The following RAB27A variants were observed in gnomAD, a reference collection of about 807,000 sequenced individuals.
RAB27A encodes ras-related protein Rab-27A.
In RAB27A, 17 loss-of-function variants were observed where a neutral mutation model predicts 20.8. The ratio of observed to expected loss-of-function variants is 0.82; its 90% CI spans 0.56 to 1.23. The LOEUF is 1.23. Among genes scored for constraint, RAB27A ranks in the 50% most tolerant of loss-of-function variants. The pLI is 0.00. For synonymous variants in RAB27A, 85 were observed against 92.8 expected, an observed-to-expected ratio of 0.92 and a Z score of 0.48; for missense variants, 277 against 266.7, an observed-to-expected ratio of 1.04 and a Z score of -0.27.
chr15:55,282,091 C>A (rs1303604032), intron 1 of RAB27A, among the ~76,000 whole-genome samples: 1 of 152,130 alleles, frequency 6.6e-6, no homozygotes, highest in Non-Finnish European at 1.5e-5. Flanking sequence ...ATAGGGAAAT[C>A]ATAATATACT....
At position 55,204,575 on chromosome 15, in the gene RAB27A, T is replaced by C. The variant is rs1340594807; in HGVS notation, c.*932A>G. ...GGTAAAGATAGAGATGAGTAAGTTA[T>C]AAGCTAATAAAGCTGCAGCCTGAGG... On this transcript the variant is annotated 3_prime_UTR_variant, in exon 7 of 7. Transcript: ENST00000336787. 6.6e-6 allele frequency: 1 copy of C among 152,206 alleles called. No individual in the cohort carries two copies. Among genetic ancestry groups the C allele is most frequent in the Non-Finnish European group, 1.5e-5 (1 of 68,040 alleles). The allele number at this position is 152,206 out of a possible 1,614,324, so 9.4% of individuals were successfully genotyped here. A position where few individuals can be genotyped will look rare whatever the true frequency, so the allele number is the denominator to read the frequency against.
chr15:55,277,938 A>T (rs985233067), intron 1 of RAB27A, among the ~76,000 whole-genome samples: 3 of 152,228 alleles, frequency 2.0e-5, no homozygotes, highest in Non-Finnish European at 4.4e-5. Context: ...CTGTTTCATC[A>T]TCTGTAAAAT....
intron 2 of RAB27A, among the ~76,000 whole-genome samples, chr15:55,297,259 T>C (rs185749850): frequency 2.2e-4 from 33 of 152,316 alleles, no homozygotes; most frequent in African/African-American, 7.7e-4. Context: ...TAGTAAGAAA[T>C]TGTGTCAAAG....
intron 6 of RAB27A, among the ~76,000 whole-genome samples, chr15:55,209,191 T>C (rs190391739): frequency 3.9e-5 from 6 of 152,328 alleles, no homozygotes; most frequent in Non-Finnish European, 5.9e-5. Context: ...AATAGATTGT[T>C]GTAAACTATA....
intron 1 of RAB27A, among the ~76,000 whole-genome samples, chr15:55,318,257 C>T (rs2055075305): frequency 6.6e-6 from 1 of 151,244 alleles, no homozygotes; most frequent in Non-Finnish European, 1.5e-5. Context: ...GTCACCACAC[C>T]CGGCTAATTT....
At chr15:55,287,097 T>C (rs1333218845) in intron 1 of RAB27A, among the ~76,000 whole-genome samples, 1 of 151,890 alleles carries the variant, frequency 6.6e-6, no homozygotes, top group Non-Finnish European at 1.5e-5. Flanking sequence ...TTTTTGTATT[T>C]TTAGTAGATA....
intron 2 of RAB27A, among the ~76,000 whole-genome samples, chr15:55,297,519 T>C (rs920479385): frequency 4.1e-4 from 63 of 152,328 alleles, no homozygotes; most frequent in African/African-American, 1.3e-3. Flanking sequence ...CTCCCTAATC[T>C]GACAGTAGCA....
intron 6 of RAB27A, among the ~76,000 whole-genome samples, chr15:55,206,037 C>A (rs896506965): frequency 6.6e-6 from 1 of 151,710 alleles, no homozygotes; most frequent in African/African-American, 2.4e-5. Flanking sequence ...ATGCGGAAAC[C>A]CCATCTCTAC....
At chr15:55,242,864 AGACAT>A (rs1448140149) in intron 2 of RAB27A, among the ~76,000 whole-genome samples, 2 of 152,230 alleles carry the variant, frequency 1.3e-5, no homozygotes, top group South Asian at 2.1e-4. Flanking sequence ...CCAGCTAGTT[AGACAT>A]GGGGCTAATC....
chr15:55,287,076 C>A (rs562654254), intron 1 of RAB27A, among the ~76,000 whole-genome samples: 7 of 151,818 alleles, frequency 4.6e-5, no homozygotes, highest in Non-Finnish European at 1.0e-4. Flanking sequence ...CCCACCACCA[C>A]GCCCCGCTAA....
chr15:55,243,492 T>C (rs1172712016), intron 2 of RAB27A, among the ~76,000 whole-genome samples: 1 of 151,792 alleles, frequency 6.6e-6, no homozygotes, highest in African/African-American at 2.4e-5. Context: ...CTGTCTCTAC[T>C]AAAAATACAA....
intron 1 of RAB27A, among the ~76,000 whole-genome samples, chr15:55,280,243 A>C (rs1480505198): frequency 6.6e-6 from 1 of 152,102 alleles, no homozygotes; most frequent in Non-Finnish European, 1.5e-5. Context: ...TAGAGAGGAC[A>C]GGGAGATTTG....
chr15:55,214,385 A>G (rs374993390), intron 6 of RAB27A, among the ~76,000 whole-genome samples: 15 of 152,274 alleles, frequency 9.9e-5, no homozygotes, highest in African/African-American at 1.4e-4. Flanking sequence ...GCTGTGAGCC[A>G]AGATCACGCC....
chr15:55,267,719 C>T (rs1897551823), intron 2 of RAB27A, among the ~76,000 whole-genome samples: 1 of 152,146 alleles, frequency 6.6e-6, no homozygotes, highest in South Asian at 2.1e-4. Flanking sequence ...GAGCAGATAT[C>T]TCAAGAAGCC....
intron 2 of RAB27A, among the ~76,000 whole-genome samples, chr15:55,257,679 C>T (rs191141155): frequency 2.6e-5 from 4 of 152,268 alleles, no homozygotes; most frequent in Admixed American, 2.6e-4. Context: ...ATCCACCACC[C>T]ATCTGAATGT....
intron 2 of RAB27A, among the ~76,000 whole-genome samples, chr15:55,295,725 C>A (rs1236167957): frequency 6.6e-6 from 1 of 152,114 alleles, no homozygotes; most frequent in African/African-American, 2.4e-5. Flanking sequence ...CTGCTTATTG[C>A]ACACGAGGTT....
chr15:55,237,106 A>T (rs1896289747), intron 2 of RAB27A, among the ~76,000 whole-genome samples: 1 of 152,198 alleles, frequency 6.6e-6, no homozygotes, highest in Non-Finnish European at 1.5e-5. Flanking sequence ...ATCCATCTAT[A>T]CACATGCCAG....
At position 55,234,838 on chromosome 15, in the gene RAB27A, T is replaced by C. The variant is rs756730276; in HGVS notation, c.97A>G (p.Lys33Glu). ...TSVLYQYTDG[K>E]FNSKFITTVG... ...GTTGTGATAAATTTGGAGTTAAATT[T>C]ACCATCTGTATATTGGTAAAGTACA... The change falls in exon 3 of 7, where the codon AAA (lysine) becomes GAA (glutamate). Residue 33 changes from lysine to glutamate, a missense_variant. Physicochemically the swap from Lys to Glu is moderately conservative, Grantham distance 56 (BLOSUM62 1). Coordinates refer to ENST00000336787, the MANE Select transcript of RAB27A (RefSeq NM_183235.3). 1.9e-6 allele frequency: 3 copies of C among 1,612,494 alleles called. No individual in the cohort carries two copies. In the South Asian group the frequency reaches 3.3e-5, roughly 18 times the overall value.
At chr15:55,251,693 A>T (rs974584392) in intron 2 of RAB27A, among the ~76,000 whole-genome samples, 1 of 152,216 alleles carries the variant, frequency 6.6e-6, no homozygotes, top group Non-Finnish European at 1.5e-5. Context: ...ATCAGAAGCC[A>T]CTTTATACTA....
Sources: allele counts gnomAD v4.1 joint callset (sites outside exome capture counted in the v4.1 genomes callset), GRCh38; gene constraint gnomAD v4.1.1; transcripts MANE v1.5; gene names NCBI Gene and HGNC (gene_info 2026-07-23, HGNC 2026-07-21).